The following FBLN1 variants were observed in gnomAD, a reference collection of about 807,000 sequenced individuals.
The protein encoded by FBLN1 is fibulin 1, also known as fibulin-1.
A neutral mutation model predicts 89.7 loss-of-function variants in FBLN1; 34 were observed. The ratio of observed to expected loss-of-function variants is 0.38; its 90% confidence interval spans 0.29 to 0.50. The LOEUF is 0.50. Among genes scored for constraint, FBLN1 ranks in the 20% least tolerant of loss-of-function variants. The probability of loss-of-function intolerance (pLI) is 0.92; values close to 1 mark genes in which losing one functional copy is unlikely to be tolerated. For synonymous variants in FBLN1, 393 were observed against 391.3 expected (o/e 1.00, Z -0.05); for missense variants, 777 against 988.1 (o/e 0.79, Z 2.86).
rs1292449909 is a variant in FBLN1, at chr22:45,557,986, C to A, written c.1697+7371C>A. On this transcript the variant is annotated intron_variant, in intron 14 of 16. Coordinates refer to ENST00000327858, the MANE Select transcript of FBLN1 (RefSeq NM_006486.3). The surrounding 1 kb of genome is among the most constrained non-coding windows in gnomAD (Gnocchi z 4.9). ...GATGTCCTAGAAAGGGGCAGTAGTG[C>A]TGCAGCTGTCCACTTTCGGGTGGTG... 4 of 707,836 alleles carry A rather than the reference C, an allele frequency of 5.7e-6. No homozygotes were observed. Among genetic ancestry groups the A allele is most frequent in the African/African-American group, 5.3e-5 (3 of 56,964 alleles). 43.8% of individuals were successfully genotyped at this position (707,836 alleles called of 1,614,324 possible).
chr22:45,546,910 G>A (rs983139123), intron 11 of FBLN1, among the ~76,000 whole-genome samples, 175 bp from the exon 12 acceptor site: 7 of 152,144 alleles, frequency 4.6e-5, no homozygotes, highest in South Asian at 2.1e-4. Context: ...TGGAGGGTCC[G>A]GAGCCACCAG....
At position 45,557,127 on chromosome 22, in the gene FBLN1, T is replaced by TA. The variant is rs935358399; in HGVS notation, c.1697+6516dup. Reference sequence around the variant, plus strand: ...TGCTTCACGACGATGGGGAACATGGTAAAACCAGTGAATTCCATGAGCATG... The same window carrying TA: ...TGCTTCACGACGATGGGGAACATGGTAAAAACCAGTGAATTCCATGAGCATG... On this transcript the variant is annotated intron_variant, in intron 14 of 16. Transcript: ENST00000327858. This position sits in a 1 kb window ranked among gnomAD's most constrained non-coding sequence, Gnocchi z 4.9. Among the ~76,000 whole-genome samples, 131 of 152,246 alleles carry TA rather than the reference T, an allele frequency of 8.6e-4. 1 individual carries two copies. Among genetic ancestry groups the TA allele is most frequent in the African/African-American group, 2.8e-3 (117 of 41,530 alleles).
intron 16 of FBLN1, among the ~76,000 whole-genome samples, chr22:45,594,660 G>C (rs557146527): frequency 1.3e-5 from 2 of 152,132 alleles, no homozygotes; most frequent in South Asian, 4.2e-4. Context: ...ATGGATGGTT[G>C]GATCCATGGG....
chr22:45,563,844 C>G lies in FBLN1; in HGVS notation c.1698-10667C>G, dbSNP rs1415092063. Reference sequence around the variant, plus strand: ...AGCTCTCTCCTGAGATTCAAGCCTCCTCTTCTGTTTGTCTTGATCAGAAGC... The same window carrying G: ...AGCTCTCTCCTGAGATTCAAGCCTCGTCTTCTGTTTGTCTTGATCAGAAGC... On this transcript the variant is annotated intron_variant, in intron 14 of 16. Transcript: ENST00000327858. This position sits in a 1 kb window ranked among gnomAD's most constrained non-coding sequence, Gnocchi z 5.7. Among the ~76,000 whole-genome samples the G allele has an allele frequency of 6.6e-6, 1 of 152,216 alleles. No individual in the cohort carries two copies. Among genetic ancestry groups the G allele is most frequent in the Non-Finnish European group, 1.5e-5 (1 of 68,032 alleles).
At chr22:45,596,796 A>G (rs2089190862) in intron 16 of FBLN1, among the ~76,000 whole-genome samples, 1 of 126,410 alleles carries the variant, frequency 7.9e-6, no homozygotes, top group Admixed American at 7.4e-5. Context: ...TTTACATATA[A>G]ATACACTTAT....
At position 45,577,225 on chromosome 22, in the gene FBLN1, C is replaced by A. The variant is rs899772221; in HGVS notation, c.1972+117C>A. ...CCTCCCCAAATTCAAGCCCACCCAA[C>A]CTTCAGGGCCCAGCGCCGAGGCCAC... On this transcript the variant is annotated intron_variant, in intron 16 of 16. Transcript: ENST00000327858. The surrounding 1 kb of genome is among the most constrained non-coding windows in gnomAD (Gnocchi z 6.6). 4.2e-6 allele frequency: 5 copies of A among 1,195,492 alleles called. No homozygotes were observed. Among genetic ancestry groups the A allele is most frequent in the Non-Finnish European group, 6.0e-6 (5 of 828,608 alleles). 74.1% of individuals were successfully genotyped at this position (1,195,492 alleles called of 1,614,324 possible).
At chr22:45,573,403 C>T (rs1457287030) in intron 14 of FBLN1, among the ~76,000 whole-genome samples, 3 of 150,606 alleles carry the variant, frequency 2.0e-5, no homozygotes, top group South Asian at 4.2e-4. Flanking sequence ...AGGCCGGGCT[C>T]GGTGGCTCAG....
intron 14 of FBLN1, among the ~76,000 whole-genome samples, chr22:45,555,710 C>G (rs1038382778): frequency 6.6e-6 from 1 of 152,164 alleles, no homozygotes; most frequent in Non-Finnish European, 1.5e-5. Context: ...TTAACCATCA[C>G]AAGTCCACCC....
At chr22:45,526,233 C>T (rs924427203) in intron 3 of FBLN1, among the ~76,000 whole-genome samples, 3 of 152,226 alleles carry the variant, frequency 2.0e-5, no homozygotes, top group African/African-American at 4.8e-5. Context: ...CGGGATCCTG[C>T]CCTGAAGGTA....
rs555806885 is a variant in FBLN1, at chr22:45,574,926, C to T, written c.1840+273C>T. On this transcript the variant is annotated intron_variant, in intron 15 of 16. Coordinates refer to ENST00000327858, the MANE Select transcript of FBLN1 (RefSeq NM_006486.3). This position sits in a 1 kb window ranked among gnomAD's most constrained non-coding sequence, Gnocchi z 4.1. ...CCTTCCGAGTAGCTGGGACTACAGG[C>T]GCCCGCCACCACGCCTGGCTAATCT... 6.4e-4 allele frequency among the ~76,000 whole-genome samples: 98 copies of T among 152,120 alleles called. No individual in the cohort carries two copies. The highest frequency in any genetic ancestry group is 3.4e-3 in the Middle Eastern group (1 of 292).
chr22:45,594,696 A>ATGGATGGATG (rs1569269676), intron 16 of FBLN1, among the ~76,000 whole-genome samples: 138 of 143,098 alleles, frequency 9.6e-4, no homozygotes, highest in African/African-American at 3.5e-3. Flanking sequence ...ATTGGTGGAT[A>ATGGATGGATG]GATGGATGGA....
intron 16 of FBLN1, among the ~76,000 whole-genome samples, chr22:45,584,301 G>A (rs1024692322): frequency 2.0e-5 from 3 of 152,110 alleles, no homozygotes; most frequent in Non-Finnish European, 4.4e-5. Context: ...GTGTCAACGC[G>A]CTCCTGCAGC....
chr22:45,570,204 C>T (rs1569260898), intron 14 of FBLN1, among the ~76,000 whole-genome samples: 2 of 150,798 alleles, frequency 1.3e-5, no homozygotes, highest in Non-Finnish European at 3.0e-5. Flanking sequence ...CCTGTAATCC[C>T]AGCTACTCAG....
chr22:45,563,236 G>A lies in FBLN1; in HGVS notation c.1698-11275G>A. ...GCACCGTCAGCTCCTTTGTGGCCAA[G>A]CTTTTCATCTTTGTGTCTGCAGAGC... On this transcript the variant is annotated intron_variant, in intron 14 of 16. Coordinates refer to ENST00000327858, the MANE Select transcript of FBLN1 (RefSeq NM_006486.3). The surrounding 1 kb of genome is among the most constrained non-coding windows in gnomAD (Gnocchi z 5.7). 1.2e-6 allele frequency: 2 copies of A among 1,613,796 alleles called. No homozygotes were observed. The highest frequency in any genetic ancestry group is 1.7e-6 in the Non-Finnish European group (2 of 1,180,036).
chr22:45,565,476 C>T (rs189286104), intron 14 of FBLN1: 1 of 355,900 alleles, frequency 2.8e-6, no homozygotes, highest in East Asian at 7.6e-5. Context: ...AGACTTGGCT[C>T]AGAAGTCACC....
rs1332993345 is a variant in FBLN1 at position 45,537,390 on chromosome 22, G to C, written c.922+2053G>C. ...TTCTGGTACTTTGGGAGGCCAAGGC[G>C]GGTGGATCACTTGAGGTCAGGAGTT... On this transcript the variant is annotated intron_variant, in intron 8 of 16. Transcript: ENST00000327858. This position sits in a 1 kb window ranked among gnomAD's most constrained non-coding sequence, Gnocchi z 5.7. Among the ~76,000 whole-genome samples the C allele has an allele frequency of 6.6e-6, 1 of 152,112 alleles. No homozygotes were observed. Among genetic ancestry groups the C allele is most frequent in the African/African-American group, 2.4e-5 (1 of 41,416 alleles).
rs554914133 is a variant in FBLN1, at chr22:45,547,268, C to T, written c.1441+64C>T. 2.3e-4 allele frequency: 373 copies of T among 1,601,308 alleles called. 2 individuals are homozygous for T. In the East Asian group the frequency reaches 2.5e-3, roughly 11 times the overall value. On this transcript the variant is annotated intron_variant, in intron 12 of 16. Transcript: ENST00000327858. ...CTGGTCTTGCCATGACACAGCAGCACGGCCTCTGACTTTCAAAATCCACAG... is the reference window on the plus strand; with the variant it reads ...CTGGTCTTGCCATGACACAGCAGCATGGCCTCTGACTTTCAAAATCCACAG...
In FBLN1 at chr22:45,536,771, GAAA is replaced by G. The variant is rs901642043; in HGVS notation, c.922+1443_922+1445del. ...CAGAGTGAGACTCCATCTCAAAAAA[GAAA>G]AAAAAAAAGAAATTGCTGATATCAG... is the stretch of plus-strand genomic sequence containing the variant. On this transcript the variant is annotated intron_variant, in intron 8 of 16. Transcript: ENST00000327858. The surrounding 1 kb of genome is among the most constrained non-coding windows in gnomAD (Gnocchi z 5.1). Among the ~76,000 whole-genome samples the G allele has an allele frequency of 7.3e-6, 1 of 136,682 alleles. No individual in the cohort carries two copies. The highest frequency in any genetic ancestry group is 1.6e-5 in the Non-Finnish European group (1 of 62,310). The allele number at this position is 136,682 out of a possible 152,430, so 89.7% of individuals were successfully genotyped here. A position where few individuals can be genotyped will look rare whatever the true frequency, so the allele number is the denominator to read the frequency against.
rs577588207 is a variant in FBLN1, at chr22:45,597,515, A to G, written c.1973-2792A>G. ...CATTGTTGGCCTCGGGCCTGGGGAG[A>G]GAAAAATATGACATACAGGGGGCCC... On this transcript the variant is annotated intron_variant, in intron 16 of 16. Transcript: ENST00000327858. The surrounding 1 kb of genome is among the most constrained non-coding windows in gnomAD (Gnocchi z 4.2). Among the ~76,000 whole-genome samples, 6 of 152,064 alleles carry G rather than the reference A, an allele frequency of 3.9e-5. No homozygotes were observed. Among genetic ancestry groups the G allele is most frequent in the Non-Finnish European group, 8.8e-5 (6 of 68,018 alleles).
Sources: allele counts gnomAD v4.1 joint callset (sites outside exome capture counted in the v4.1 genomes callset), GRCh38; gene constraint gnomAD v4.1.1; non-coding constraint Gnocchi (gnomAD v3.1); transcripts MANE v1.5; gene names NCBI Gene and HGNC (gene_info 2026-07-23, HGNC 2026-07-21).